Variants in CACNA2D4 observed in about 807,000 individuals in gnomAD.
CACNA2D4 encodes the protein calcium voltage-gated channel auxiliary subunit alpha2delta 4.
In CACNA2D4, 157 loss-of-function variants were observed where a neutral mutation model predicts 163.8. The ratio of observed to expected loss-of-function variants is 0.96; its 90% CI spans 0.84 to 1.09. The LOEUF is 1.09. CACNA2D4 is among the 50% of genes least tolerant of loss of function. The pLI is 0.00. For synonymous variants in CACNA2D4, 598 were observed against 586.9 expected (o/e 1.02, Z -0.27); for missense variants, 1,410 against 1,479.9 (o/e 0.95, Z 0.78).
Position 1,879,867 on chromosome 12 carries a change from C to T in CACNA2D4, c.1500G>A (p.Gln500=), listed in dbSNP as rs1865957363. 1.3e-6 allele frequency: 2 copies of T among 1,599,088 alleles called. No homozygotes were observed. Among genetic ancestry groups the T allele is most frequent in the African/African-American group, 2.7e-5 (2 of 74,628 alleles). The change falls in exon 14 of 38, where the codon CAG becomes CAA. Residue 500 remains glutamine, a synonymous_variant. Transcript: ENST00000382722. ...TGGTGAGCAGTGTCAGGCTCTGAGC[C>T]TGCGAGCTGAGGAGCTGTAAGGGAG... The part of the protein sequence containing the change: ...AYMDSKLLSS[Q]AQSLTLLTTV...
At chr12:1,876,378 A>C (rs1247599211) in intron 16 of CACNA2D4, among the ~76,000 whole-genome samples, 1 of 152,160 alleles carries the variant, frequency 6.6e-6, no homozygotes, top group Non-Finnish European at 1.5e-5. Flanking sequence ...TCTGGCCCTG[A>C]CTTCTCTCTC....
rs749164984 is a variant in CACNA2D4 at position 1,797,770 on chromosome 12, G to C, written c.2996-235C>G. 1.2e-5 allele frequency: 7 copies of C among 580,324 alleles called. No individual in the cohort carries two copies. In the South Asian group the frequency reaches 1.4e-4, roughly 12 times the overall value. 35.9% of individuals were successfully genotyped at this position (580,324 alleles called of 1,614,324 possible). A position where few individuals can be genotyped will look rare whatever the true frequency, so the allele number is the denominator to read the frequency against. On this transcript the variant is annotated intron_variant, in intron 34 of 37. Coordinates refer to ENST00000382722, the MANE Select transcript of CACNA2D4 (RefSeq NM_172364.5). ...GAGCGCCGCAGGGGCCCTGAGCCTC[G>C]GTGGAGGGAAAGCGCTTCCTCTGGG...
Position 1,918,629 on chromosome 12 carries a change from A to C in CACNA2D4, c.-156T>G, listed in dbSNP as rs1867060760. 3.3e-6 allele frequency: 2 copies of C among 597,326 alleles called. No homozygotes were observed. Among genetic ancestry groups the C allele is most frequent in the Non-Finnish European group, 5.9e-6 (2 of 340,658 alleles). The allele number at this position is 597,326 out of a possible 1,614,324, so 37.0% of individuals were successfully genotyped here. A position where few individuals can be genotyped will look rare whatever the true frequency, so the allele number is the denominator to read the frequency against. On this transcript the variant is annotated 5_prime_UTR_variant, in exon 1 of 38. Coordinates refer to ENST00000382722, the MANE Select transcript of CACNA2D4 (RefSeq NM_172364.5). ...TCACAGAAGAGTCGCCCCACCTAGC[A>C]AGCAGGCCTCGGAGACAGGGACTGG...
intron 6 of CACNA2D4, among the ~76,000 whole-genome samples, chr12:1,889,553 T>C (rs1866228097): frequency 6.7e-6 from 1 of 148,626 alleles, no homozygotes; most frequent in Non-Finnish European, 1.5e-5. Flanking sequence ...CCTGAACTCC[T>C]GGGCAAGGGA....
chr12:1,841,034 T>C (rs1592703492), intron 25 of CACNA2D4, among the ~76,000 whole-genome samples: 1 of 152,278 alleles, frequency 6.6e-6, no homozygotes. Flanking sequence ...ACATGGCCTC[T>C]GGCCGCCAGC....
chr12:1,800,697 C>G (rs1592649242), intron 31 of CACNA2D4: 1 of 593,662 alleles, frequency 1.7e-6, no homozygotes, highest in Non-Finnish European at 3.0e-6. Flanking sequence ...CTCCAGGAGA[C>G]GAGTCAAGCC....
At chr12:1,825,766 A>G (rs1864289371) in intron 26 of CACNA2D4, among the ~76,000 whole-genome samples, 1 of 152,152 alleles carries the variant, frequency 6.6e-6, no homozygotes, top group Admixed American at 6.5e-5. Flanking sequence ...TCTCCCTGAA[A>G]GGGCCACTGC....
At chr12:1,904,379 T>G (rs1866606844) in intron 6 of CACNA2D4, among the ~76,000 whole-genome samples, 1 of 137,964 alleles carries the variant, frequency 7.2e-6, no homozygotes, top group Non-Finnish European at 1.6e-5. Context: ...ATAATTGGAT[T>G]GTTTGTAACA....
At chr12:1,881,754 A>G (rs1267905735) in intron 13 of CACNA2D4, among the ~76,000 whole-genome samples, 2 of 152,254 alleles carry the variant, frequency 1.3e-5, no homozygotes, top group Non-Finnish European at 2.9e-5. Context: ...TCTTCTCAGC[A>G]GCAGTCGGTG....
At chr12:1,841,292 C>T (rs1199146516) in intron 25 of CACNA2D4, among the ~76,000 whole-genome samples, 3 of 152,172 alleles carry the variant, frequency 2.0e-5, no homozygotes, top group African/African-American at 4.8e-5. Context: ...AGCCACCATG[C>T]GGCCCTGGGC....
At chr12:1,905,466 C>T (rs1437957106) in intron 6 of CACNA2D4, among the ~76,000 whole-genome samples, 1 of 151,938 alleles carries the variant, frequency 6.6e-6, no homozygotes, top group Admixed American at 6.6e-5. Context: ...CTAAAGATTC[C>T]ACAAAAAACT....
intron 30 of CACNA2D4, 126 bp downstream of exon 30, chr12:1,801,448 G>T: frequency 1.2e-6 from 1 of 814,682 alleles, no homozygotes. Flanking sequence ...GGTTGCTTTT[G>T]CAGCTCTTTG....
chr12:1,827,832 A>AC (rs1235894242), intron 26 of CACNA2D4: 2 of 338,596 alleles, frequency 5.9e-6, no homozygotes, highest in Non-Finnish European at 5.3e-6. Context: ...CCATGGGTGC[A>AC]CCCCCAGCTT....
At chr12:1,853,836 C>T (rs898634488) in intron 23 of CACNA2D4, 115 bp downstream of exon 23, 5 of 749,716 alleles carry the variant, frequency 6.7e-6, no homozygotes, top group Non-Finnish European at 1.1e-5. Flanking sequence ...AATCTTAGGC[C>T]AAAGGACGTG....
rs1308554601 is a variant in CACNA2D4, at chr12:1,883,859, G to A, written c.1351+384C>T. Among the ~76,000 whole-genome samples the A allele has an allele frequency of 6.6e-6, 1 of 152,200 alleles. No individual in the cohort carries two copies. Among genetic ancestry groups the A allele is most frequent in the Non-Finnish European group, 1.5e-5 (1 of 68,040 alleles). The stretch of plus-strand genomic sequence containing the variant: ...ATCCCTCTTGGTCCCCTGGTGCCTG[G>A]AAATGGGGCCAGGTGCATAGTGGAT... On this transcript the variant is annotated intron_variant, in intron 12 of 37. Transcript: ENST00000382722. The surrounding 1 kb of genome is among the most constrained non-coding windows in gnomAD (Gnocchi z 4.5).
rs1256613660 is a variant in CACNA2D4 at position 1,795,317 on chromosome 12, G to GCA, written c.3289_3290dup (p.His1098AlafsTer70). On this transcript the variant is annotated frameshift_variant, in exon 37 of 38. Coordinates refer to ENST00000382722, the MANE Select transcript of CACNA2D4 (RefSeq NM_172364.5). LOFTEE classifies it low-confidence loss of function (END_TRUNC). ...CCCGCACCTCTGGATGGAAGGCGTG[G>GCA]CAGGAGTCTGGTCGCCGGCGGAGCT... 1 of 1,613,052 alleles carries GCA rather than the reference G, an allele frequency of 6.2e-7. No homozygotes were observed. The highest frequency in any genetic ancestry group is 1.3e-5 in the African/African-American group (1 of 74,934).
At chr12:1,818,618 G>A (rs1314604917) in intron 26 of CACNA2D4, among the ~76,000 whole-genome samples, 1 of 151,280 alleles carries the variant, frequency 6.6e-6, no homozygotes, top group African/African-American at 2.5e-5. Context: ...CAAGTACCCA[G>A]GGACACAAAC....
chr12:1,881,259 G>A (rs926979694), intron 13 of CACNA2D4, among the ~76,000 whole-genome samples: 2 of 152,200 alleles, frequency 1.3e-5, no homozygotes, highest in African/African-American at 4.8e-5. Flanking sequence ...AGGTAAGAGA[G>A]CGTCAGAAGG....
intron 18 of CACNA2D4, among the ~76,000 whole-genome samples, chr12:1,873,941 G>A (rs1187581578): frequency 6.6e-6 from 1 of 152,216 alleles, no homozygotes; most frequent in Non-Finnish European, 1.5e-5. Flanking sequence ...ATTGCTGCAG[G>A]CAGATGCCTG....
Sources: allele counts gnomAD v4.1 joint callset (sites outside exome capture counted in the v4.1 genomes callset), GRCh38; gene constraint gnomAD v4.1.1; non-coding constraint Gnocchi (gnomAD v3.1); transcripts MANE v1.5; gene names NCBI Gene and HGNC (gene_info 2026-07-23, HGNC 2026-07-21).